The following PRIM2 variants were observed in gnomAD, a reference collection of about 807,000 sequenced individuals.
The protein encoded by PRIM2 is DNA primase large subunit.
In PRIM2, 39 loss-of-function variants were observed where a neutral mutation model predicts 67.3. That is an observed-to-expected ratio of 0.58 (90% CI 0.45 to 0.76). The LOEUF (loss-of-function observed/expected upper bound fraction) is 0.76, where lower values mean the gene tolerates loss of function less well. Among genes scored for constraint, PRIM2 ranks in the 30% least tolerant of loss-of-function variants. The probability of loss-of-function intolerance (pLI) is 0.00; values close to 1 mark genes in which losing one functional copy is unlikely to be tolerated. For missense variants in PRIM2, 398 were observed against 598.7 expected, an observed-to-expected ratio of 0.66 and a Z score of 3.50; for synonymous variants, 143 against 198.7, an observed-to-expected ratio of 0.72 and a Z score of 2.36.
At chr6:57,316,981 C>G (rs757024981), upstream of PRIM2, among the ~76,000 whole-genome samples, 37 of 152,326 alleles carry the variant, frequency 2.4e-4, no homozygotes, top group Non-Finnish European at 4.4e-4. Flanking sequence ...GAGGCATTGC[C>G]GGAGAGCGGG....
chr6:57,379,788 G>A, intron 5 of PRIM2, 113 bp from the exon 6 acceptor site: 2 of 888,802 alleles, frequency 2.3e-6, no homozygotes, highest in South Asian at 4.3e-5. Context: ...GAGATATCAA[G>A]GTTTTAAAAT....
intron 7 of PRIM2, among the ~76,000 whole-genome samples, chr6:57,486,914 T>G (rs1417708686): frequency 2.0e-5 from 3 of 152,210 alleles, no homozygotes; most frequent in Non-Finnish European, 4.4e-5. Flanking sequence ...AGTGTACATT[T>G]GATTTCTTCT....
chr6:57,323,784 GAA>G (rs1196058324), intron 3 of PRIM2, among the ~76,000 whole-genome samples: 1 of 141,496 alleles, frequency 7.1e-6, no homozygotes. Flanking sequence ...AAGTAAAAAG[GAA>G]AAAAAAAAAA....
chr6:57,252,603 G>A, the PRIM2 span, among the ~76,000 whole-genome samples: 1 of 152,196 alleles, frequency 6.6e-6, no homozygotes, highest in South Asian at 2.1e-4. Context: ...ACCATGTCTG[G>A]CTATTTTTTG....
chr6:57,344,899 A>G (rs1768618783), intron 5 of PRIM2, among the ~76,000 whole-genome samples: 1 of 152,160 alleles, frequency 6.6e-6, no homozygotes, highest in African/African-American at 2.4e-5. Context: ...CTAAATGTGA[A>G]ACTTCAAGCT....
intron 7 of PRIM2, among the ~76,000 whole-genome samples, chr6:57,454,426 T>G (rs1772681465): frequency 6.6e-6 from 1 of 152,210 alleles, no homozygotes; most frequent in African/African-American, 2.4e-5. Flanking sequence ...CTGGACTTTT[T>G]TTTGCTTGGT....
chr6:57,379,839 A>G, intron 5 of PRIM2, 62 bp from the exon 6 acceptor site: 2 of 1,452,746 alleles, frequency 1.4e-6, no homozygotes, highest in Non-Finnish European at 1.8e-6. Context: ...ACAGGAAATC[A>G]TTTTATTGAA....
At chr6:57,456,614 C>T (rs572319877) in intron 7 of PRIM2, among the ~76,000 whole-genome samples, 5 of 152,240 alleles carry the variant, frequency 3.3e-5, no homozygotes, top group South Asian at 2.1e-4. Context: ...ACGTAGTTCT[C>T]GTGCCTTGGT....
chr6:57,467,127 A>G (rs1227355651), intron 7 of PRIM2, among the ~76,000 whole-genome samples: 2,128 of 148,676 alleles, frequency 0.014, 62 homozygotes, highest in African/African-American at 0.05. Flanking sequence ...AAAAGAAAAG[A>G]AAAAAAGATC....
intron 10 of PRIM2, among the ~76,000 whole-genome samples, chr6:57,565,132 A>G (rs1166176729): frequency 1.3e-5 from 2 of 152,212 alleles, no homozygotes; most frequent in East Asian, 3.8e-4. Flanking sequence ...CTCAATGATC[A>G]TCATAATAGT....
At chr6:57,474,904 G>A (rs1773438755) in intron 7 of PRIM2, among the ~76,000 whole-genome samples, 1 of 152,110 alleles carries the variant, frequency 6.6e-6, no homozygotes, top group Non-Finnish European at 1.5e-5. Flanking sequence ...AGAACTCCTG[G>A]TAGCATACTC....
intron 5 of PRIM2, among the ~76,000 whole-genome samples, chr6:57,347,558 C>T (rs546537292): frequency 6.6e-6 from 1 of 152,246 alleles, no homozygotes; most frequent in Admixed American, 6.5e-5. Context: ...GTGATCCTCC[C>T]ACCTCAGCCT....
chr6:57,295,451 G>C, the PRIM2 span, among the ~76,000 whole-genome samples: 1 of 152,090 alleles, frequency 6.6e-6, no homozygotes, highest in Non-Finnish European at 1.5e-5. Flanking sequence ...TGATTCTATG[G>C]AAAGAGTCCT....
chr6:57,324,171 T>C, intron 3 of PRIM2, 30 bp from the exon 4 acceptor site: 1 of 1,259,876 alleles, frequency 7.9e-7, no homozygotes, highest in Non-Finnish European at 1.2e-6. Flanking sequence ...TCTAATGCAT[T>C]TATTTTATTC....
chr6:57,323,432 G>A (rs1459928362), intron 3 of PRIM2, among the ~76,000 whole-genome samples: 1 of 152,134 alleles, frequency 6.6e-6, no homozygotes, highest in Non-Finnish European at 1.5e-5. Flanking sequence ...AAAATTAAAA[G>A]AGAGGGGTTG....
chr6:57,225,075 C>T, the PRIM2 span, among the ~76,000 whole-genome samples: 1 of 152,218 alleles, frequency 6.6e-6, no homozygotes, highest in Non-Finnish European at 1.5e-5. Flanking sequence ...TTACCACCTT[C>T]ACAAGTCCCA....
At chr6:57,511,736 TAAAG>T (rs1345760997) in intron 8 of PRIM2, among the ~76,000 whole-genome samples, 12 of 152,012 alleles carry the variant, frequency 7.9e-5, no homozygotes, top group Admixed American at 5.2e-4. Flanking sequence ...AGAAGGAGAA[TAAAG>T]AAAGGAAGAC....
At chr6:57,269,830 G>T in the PRIM2 span, among the ~76,000 whole-genome samples, 5 of 152,126 alleles carry the variant, frequency 3.3e-5, no homozygotes, top group Non-Finnish European at 7.4e-5. Context: ...AAGGGATCCA[G>T]TTTCAACTTT....
chr6:57,403,430 T>G (rs1770780955), intron 7 of PRIM2, among the ~76,000 whole-genome samples: 1 of 151,696 alleles, frequency 6.6e-6, no homozygotes, highest in African/African-American at 2.4e-5. Context: ...CTAATTTTTT[T>G]TTTTGTATTT....
Sources: gnomAD v4.1 joint callset for allele counts (sites outside exome capture counted in the v4.1 genomes callset) on GRCh38, gnomAD v4.1.1 for gene constraint, MANE v1.5 for transcripts, NCBI Gene and HGNC (gene_info 2026-07-23, HGNC 2026-07-21) for gene names.